TGFBR3: variants seen among roughly 807,000 people sequenced by gnomAD.
The protein encoded by TGFBR3 is transforming growth factor beta receptor type 3.
TGFBR3 carries 46 observed loss-of-function variants against 87.9 expected under a neutral mutation model. The ratio of observed to expected loss-of-function variants is 0.52; its 90% CI spans 0.41 to 0.67. The LOEUF (loss-of-function observed/expected upper bound fraction) is 0.67, where lower values mean the gene tolerates loss of function less well. Among genes scored for constraint, TGFBR3 ranks in the 30% least tolerant of loss-of-function variants. The pLI is 0.00. For synonymous variants in TGFBR3, 381 were observed against 391.6 expected (o/e 0.97, Z 0.32); for missense variants, 866 against 1,041.9 (o/e 0.83, Z 2.32).
intron 2 of TGFBR3, among the ~76,000 whole-genome samples, chr1:91,803,260 T>C (rs1255548494): frequency 1.3e-5 from 2 of 152,212 alleles, no homozygotes; most frequent in East Asian, 1.9e-4. Context: ...ATAGCCATCA[T>C]TCTCCTTTCT....
intron 2 of TGFBR3, among the ~76,000 whole-genome samples, chr1:91,853,702 A>C (rs893847767): frequency 2.0e-4 from 31 of 152,296 alleles, no homozygotes; most frequent in African/African-American, 7.2e-4. Context: ...GATCAAACTT[A>C]TATGCGGAAT....
intron 2 of TGFBR3, among the ~76,000 whole-genome samples, chr1:91,833,460 C>CAA (rs33936360): frequency 1.0e-3 from 37 of 37,088 alleles, no homozygotes; most frequent in Admixed American, 1.8e-3. Context: ...AGCTCTGTCT[C>CAA]AAAAAAAAAA....
chr1:91,821,371 A>T (rs2101061445), intron 2 of TGFBR3, among the ~76,000 whole-genome samples: 1 of 151,182 alleles, frequency 6.6e-6, no homozygotes, highest in Admixed American at 6.6e-5. Context: ...AAAAAACACA[A>T]TTACTTTTGC....
intron 3 of TGFBR3, among the ~76,000 whole-genome samples, chr1:91,786,961 G>A (rs1323230820): frequency 6.6e-6 from 1 of 152,082 alleles, no homozygotes; most frequent in Admixed American, 6.6e-5. Flanking sequence ...ACCTATACCG[G>A]CCCTAAGTGC....
chr1:91,847,439 A>G (rs1277426224), intron 2 of TGFBR3, among the ~76,000 whole-genome samples: 1 of 151,874 alleles, frequency 6.6e-6, no homozygotes, highest in Non-Finnish European at 1.5e-5. Flanking sequence ...CCCCATTCCT[A>G]CTAAAAATAC....
intron 4 of TGFBR3, among the ~76,000 whole-genome samples, chr1:91,752,503 T>C (rs527511428): frequency 1.3e-5 from 2 of 152,288 alleles, no homozygotes; most frequent in East Asian, 1.9e-4. Flanking sequence ...GCTTATTTCT[T>C]GAAACTTCTA....
At chr1:91,723,407 TGA>T (rs1333912457) in intron 7 of TGFBR3, among the ~76,000 whole-genome samples, 2 of 145,010 alleles carry the variant, frequency 1.4e-5, no homozygotes, top group Non-Finnish European at 3.0e-5. Context: ...CCTGAGCCCG[TGA>T]GTTAGAGGTT....
At chr1:91,747,264 G>C (rs1673381421) in intron 4 of TGFBR3, among the ~76,000 whole-genome samples, 1 of 152,222 alleles carries the variant, frequency 6.6e-6, no homozygotes, top group African/African-American at 2.4e-5. Context: ...GCAAAGACCT[G>C]GGTGTCTTAG....
At chr1:91,750,175 C>T (rs866392099) in intron 4 of TGFBR3, among the ~76,000 whole-genome samples, 1 of 152,370 alleles carries the variant, frequency 6.6e-6, no homozygotes, top group Middle Eastern at 3.4e-3. Context: ...TTGCGTGAAC[C>T]CTCCTGGACA....
chr1:91,797,970 G>C (rs968665004), intron 2 of TGFBR3, among the ~76,000 whole-genome samples: 1 of 152,036 alleles, frequency 6.6e-6, no homozygotes, highest in African/African-American at 2.4e-5. Flanking sequence ...AGGCGATCAG[G>C]GCCAGAGCTG....
chr1:91,829,163 G>T (rs1437868104), intron 2 of TGFBR3, among the ~76,000 whole-genome samples: 1 of 152,002 alleles, frequency 6.6e-6, no homozygotes, highest in Non-Finnish European at 1.5e-5. Context: ...ATCACTTGAG[G>T]TCAGGAGTTC....
intron 16 of TGFBR3, 177 bp downstream of exon 16, chr1:91,695,495 C>G (rs1462983850): frequency 3.1e-6 from 2 of 653,346 alleles, no homozygotes; most frequent in Non-Finnish European, 5.5e-6. Context: ...TTTCTTTCCA[C>G]TGTTTATGGC....
chr1:91,858,649 C>G (rs1183330071), intron 2 of TGFBR3, among the ~76,000 whole-genome samples: 1 of 143,946 alleles, frequency 6.9e-6, no homozygotes, highest in Non-Finnish European at 1.5e-5. Flanking sequence ...TTTCCCTCTT[C>G]TTCATTCATT....
rs1186532685 is a variant in TGFBR3, at chr1:91,712,362, T to C, written c.2047A>G (p.Met683Val). ...ACAAAGCTGAATCGCTTCTTATCCATGTCAGCTTGCGGGATAGGAAAGTGC... is the reference window on the plus strand; with the variant it reads ...ACAAAGCTGAATCGCTTCTTATCCACGTCAGCTTGCGGGATAGGAAAGTGC... The part of the protein sequence containing the change: ...RVHFPIPQAD[M>V]DKKRFSFVFK... The change falls in exon 13 of 17, where the codon ATG becomes GTG. Residue 683 changes from methionine (M) to valine (V), a missense_variant. Physicochemically the swap from Met to Val is conservative, Grantham distance 21 (BLOSUM62 1). Coordinates refer to ENST00000212355, the MANE Select transcript of TGFBR3 (RefSeq NM_003243.5). The C allele has an allele frequency of 1.2e-6, 2 of 1,614,214 alleles. No homozygotes were observed. The highest frequency in any genetic ancestry group is 1.7e-6 in the Non-Finnish European group (2 of 1,180,034).
intron 1 of TGFBR3, among the ~76,000 whole-genome samples, chr1:91,875,671 T>C (rs1182859577): frequency 1.3e-5 from 2 of 151,478 alleles, no homozygotes; most frequent in Non-Finnish European, 2.9e-5. Context: ...GCAGATCACC[T>C]GAGGTCAGGA....
chr1:91,795,297 G>A lies in TGFBR3; in HGVS notation c.246+1990C>T, dbSNP rs551560051. Among the ~76,000 whole-genome samples, 6 of 152,164 alleles carry A rather than the reference G, an allele frequency of 3.9e-5. No individual in the cohort carries two copies. In the East Asian group the frequency reaches 1.2e-3, roughly 29 times the overall value. On this transcript the variant is annotated intron_variant, in intron 3 of 16. Coordinates refer to ENST00000212355, the MANE Select transcript of TGFBR3 (RefSeq NM_003243.5). ...ATCATACATATACTATACTAATATC[G>A]AAAGAGAATAATGTTCAGGTTTTTA...
chr1:91,808,612 T>C (rs943260615), intron 2 of TGFBR3, among the ~76,000 whole-genome samples: 10 of 152,124 alleles, frequency 6.6e-5, no homozygotes, highest in African/African-American at 2.4e-4. Flanking sequence ...ATTACAGGCA[T>C]GCACCACCAC....
chr1:91,771,444 T>A (rs910928116), intron 3 of TGFBR3, among the ~76,000 whole-genome samples: 2 of 151,972 alleles, frequency 1.3e-5, no homozygotes, highest in African/African-American at 4.8e-5. Flanking sequence ...GTGGCTCACG[T>A]CTGTAATCCC....
chr1:91,893,174 ACATATTTTGAAAATGGG>A (rs1196782754), intron 2 of TGFBR3, among the ~76,000 whole-genome samples: 1 of 152,210 alleles, frequency 6.6e-6, no homozygotes, highest in Admixed American at 6.5e-5. Context: ...GTATTTTCTA[ACATATTTTGAAAATGGG>A]CATATCCACA....
Sources: allele counts gnomAD v4.1 joint callset (sites outside exome capture counted in the v4.1 genomes callset), GRCh38; gene constraint gnomAD v4.1.1; transcripts MANE v1.5; gene names NCBI Gene and HGNC (gene_info 2026-07-23, HGNC 2026-07-21).